Variants in FOXN3 observed in about 807,000 individuals in gnomAD.
The protein encoded by FOXN3 is forkhead box N3.
In FOXN3, 7 loss-of-function variants were observed where a neutral mutation model predicts 38.4. The ratio of observed to expected loss-of-function variants is 0.18; its 90% CI spans 0.10 to 0.34. The LOEUF is 0.34. FOXN3 is among the 10% of genes least tolerant of loss of function. The pLI is 1.00. For synonymous variants in FOXN3, 230 were observed against 242.2 expected, an observed-to-expected ratio of 0.95 and a Z score of 0.47; for missense variants, 456 against 613.4, an observed-to-expected ratio of 0.74 and a Z score of 2.71.
chr14:89,376,990 C>G (rs369498592), intron 2 of FOXN3, among the ~76,000 whole-genome samples: 4 of 111,234 alleles, frequency 3.6e-5, no homozygotes, highest in African/African-American at 1.3e-4. Flanking sequence ...CATTGCACTC[C>G]GGCCTGAGCA....
At chr14:89,266,928 C>A (rs1335276073) in intron 4 of FOXN3, among the ~76,000 whole-genome samples, 1 of 152,158 alleles carries the variant, frequency 6.6e-6, no homozygotes, top group Admixed American at 6.5e-5. Context: ...AGTAATGAGG[C>A]TCATACCAAA....
chr14:89,579,560 C>T (rs1422860756), intron 1 of FOXN3, among the ~76,000 whole-genome samples: 12 of 152,154 alleles, frequency 7.9e-5, no homozygotes, highest in Non-Finnish European at 1.6e-4. Flanking sequence ...TTCTCTTGCC[C>T]ATAAGCCCTG....
At chr14:89,417,598 G>A, upstream of FOXN3, 2 of 402,686 alleles carry the variant, frequency 5.0e-6, no homozygotes, top group Non-Finnish European at 1.0e-5. Flanking sequence ...GCGCTGCGCT[G>A]CTGGCAACGT....
chr14:89,525,346 T>C (rs1373058448), intron 1 of FOXN3, among the ~76,000 whole-genome samples: 1 of 152,170 alleles, frequency 6.6e-6, no homozygotes, highest in East Asian at 1.9e-4. Flanking sequence ...ACACTAATTA[T>C]AATGCAATTA....
At chr14:89,197,517 G>A (rs1206998669) in intron 4 of FOXN3, among the ~76,000 whole-genome samples, 1 of 142,766 alleles carries the variant, frequency 7.0e-6, no homozygotes, top group African/African-American at 2.7e-5. Flanking sequence ...AAAAAAAAAA[G>A]AGCACGGGTA....
chr14:89,291,664 C>CTG, intron 3 of FOXN3: 1 of 440,520 alleles, frequency 2.3e-6, no homozygotes, highest in Non-Finnish European at 4.4e-6. Flanking sequence ...TGCTCTCTTC[C>CTG]TGTGGCCCTT....
intron 1 of FOXN3, among the ~76,000 whole-genome samples, chr14:89,566,447 A>G (rs181651880): frequency 2.2e-5 from 3 of 134,052 alleles, no homozygotes; most frequent in Admixed American, 2.2e-4. Context: ...TAATTTTTTT[A>G]AAAAAAAATG....
chr14:89,596,755 G>T (rs932888143), intron 1 of FOXN3, among the ~76,000 whole-genome samples: 3 of 152,092 alleles, frequency 2.0e-5, no homozygotes, highest in African/African-American at 7.2e-5. Context: ...TCAGTAAGTG[G>T]CATTTTAAAA....
At chr14:89,447,612 A>G (rs560400836) in intron 1 of FOXN3, among the ~76,000 whole-genome samples, 4 of 152,088 alleles carry the variant, frequency 2.6e-5, no homozygotes, top group African/African-American at 9.6e-5. Context: ...ATCCAAATAT[A>G]TACTCTACTA....
chr14:89,511,268 T>C (rs370629131), intron 1 of FOXN3, among the ~76,000 whole-genome samples: 12,355 of 34,204 alleles, frequency 0.36, 5,009 homozygotes, highest in Middle Eastern at 0.66. Flanking sequence ...TCTTTCTTTC[T>C]TTCTTTCTTT....
chr14:89,407,584 C>T (rs959715661), intron 2 of FOXN3, among the ~76,000 whole-genome samples: 2 of 152,132 alleles, frequency 1.3e-5, no homozygotes, highest in African/African-American at 4.8e-5. Context: ...TAATCCACAG[C>T]ACTGTGGGAG....
chr14:89,298,291 G>A (rs535609312), intron 3 of FOXN3, among the ~76,000 whole-genome samples: 12 of 152,180 alleles, frequency 7.9e-5, no homozygotes, highest in Admixed American at 2.6e-4. Context: ...GGAGGGGAAC[G>A]GGGGGAGTGG....
intron 3 of FOXN3, among the ~76,000 whole-genome samples, chr14:89,322,096 T>G (rs1887913770): frequency 6.6e-6 from 1 of 152,206 alleles, no homozygotes; most frequent in African/African-American, 2.4e-5. Flanking sequence ...GCCTTAAAGT[T>G]CCTCCCGGCT....
intron 1 of FOXN3, among the ~76,000 whole-genome samples, chr14:89,506,159 C>T (rs1258439950): frequency 6.1e-5 from 5 of 82,380 alleles, no homozygotes; most frequent in African/African-American, 1.7e-4. Flanking sequence ...AAGTGAGGAG[C>T]CCCTCTGCCC....
intron 4 of FOXN3, among the ~76,000 whole-genome samples, chr14:89,207,558 G>A (rs2139827262): frequency 6.6e-6 from 1 of 152,328 alleles, no homozygotes; most frequent in South Asian, 2.1e-4. Flanking sequence ...ACTTGGGGGT[G>A]AAGGAGGTGG....
At chr14:89,429,216 G>A (rs1377794372) in intron 1 of FOXN3, among the ~76,000 whole-genome samples, 4 of 152,154 alleles carry the variant, frequency 2.6e-5, no homozygotes, top group South Asian at 2.1e-4. Context: ...TTCTTTGTCC[G>A]TGGAAATCTG....
At chr14:89,330,200 A>G (rs1029551039) in intron 3 of FOXN3, among the ~76,000 whole-genome samples, 2 of 152,188 alleles carry the variant, frequency 1.3e-5, no homozygotes, top group African/African-American at 2.4e-5. Flanking sequence ...CTGTTTGTCA[A>G]TAACAGTGGA....
At chr14:89,364,341 GTTTGTTTTTTTGTTTTGTT>G (rs1253766931) in intron 2 of FOXN3, 2 of 122,804 alleles carry the variant, frequency 1.6e-5, no homozygotes, top group Non-Finnish European at 3.3e-5. Flanking sequence ...GTTTCTTTTT[GTTTGTTTTTTTGTTTTGTT>G]TTTGTTTTTG....
chr14:89,519,902 C>CT (rs952062486), intron 1 of FOXN3, among the ~76,000 whole-genome samples: 39 of 152,248 alleles, frequency 2.6e-4, no homozygotes, highest in African/African-American at 9.4e-4. Context: ...ACAACACTGC[C>CT]TGAAGGTAGT....
Sources: allele counts gnomAD v4.1 joint callset (sites outside exome capture counted in the v4.1 genomes callset), GRCh38; gene constraint gnomAD v4.1.1; transcripts MANE v1.5; gene names NCBI Gene and HGNC (gene_info 2026-07-23, HGNC 2026-07-21).